BIRC6: variants seen among roughly 807,000 people sequenced by gnomAD.
BIRC6 encodes dual E2 ubiquitin-conjugating enzyme/E3 ubiquitin-protein ligase BIRC6.
A neutral mutation model predicts 503.3 loss-of-function variants in BIRC6; 98 were observed. The observed-to-expected ratio is 0.19, with a 90% CI of 0.17 to 0.23. The LOEUF is 0.23. Ranked by LOEUF, BIRC6 falls within the 10% of genes least tolerant of loss-of-function variation. The pLI is 1.00. For synonymous variants in BIRC6, 2,240 were observed against 2,078.7 expected (o/e 1.08, Z -2.11); for missense variants, 5,360 against 5,806.0 (o/e 0.92, Z 2.50).
chr2:32,438,284 A>T (rs2044968665), intron 15 of BIRC6, among the ~76,000 whole-genome samples: 1 of 152,224 alleles, frequency 6.6e-6, no homozygotes, highest in African/African-American at 2.4e-5. Flanking sequence ...ATTTTGAAAC[A>T]GAATGTCAGA....
intron 10 of BIRC6, among the ~76,000 whole-genome samples, chr2:32,421,789 G>A (rs2042977682): frequency 6.6e-6 from 1 of 152,184 alleles, no homozygotes; most frequent in African/African-American, 2.4e-5. Flanking sequence ...GTGTGCACTT[G>A]AAAAGAATTT....
intron 70 of BIRC6, among the ~76,000 whole-genome samples, chr2:32,601,669 A>G (rs1281780895): frequency 2.0e-5 from 3 of 152,236 alleles, no homozygotes; most frequent in South Asian, 2.1e-4. Context: ...TCTGATGAGT[A>G]TATTTTATGT....
intron 15 of BIRC6, among the ~76,000 whole-genome samples, chr2:32,438,776 G>T (rs1310681759): frequency 3.3e-5 from 5 of 151,922 alleles, no homozygotes; most frequent in Non-Finnish European, 7.4e-5. Context: ...TAGCCAGGAT[G>T]GTCTCGATCT....
intron 23 of BIRC6, among the ~76,000 whole-genome samples, chr2:32,457,300 T>A (rs544634974): frequency 1.3e-5 from 2 of 152,346 alleles, no homozygotes; most frequent in Non-Finnish European, 2.9e-5. Flanking sequence ...TTTAATTCAG[T>A]TACATTTAAT....
At chr2:32,543,934 CAT>C (rs2057863780) in intron 62 of BIRC6, among the ~76,000 whole-genome samples, 1 of 152,268 alleles carries the variant, frequency 6.6e-6, no homozygotes, top group East Asian at 1.9e-4. Flanking sequence ...GAGAAACACA[CAT>C]GTGAGATTAT....
At chr2:32,369,974 ATATATATATATG>A (rs1386595244) in intron 1 of BIRC6, among the ~76,000 whole-genome samples, 1,237 of 62,606 alleles carry the variant, frequency 0.02, 58 homozygotes, top group African/African-American at 0.033. Context: ...ATATATATAT[ATATATATATATG>A]TATGTATGTA....
rs1238053570 is a variant in BIRC6, at chr2:32,482,558, A to G, written c.7672A>G (p.Thr2558Ala). 2 of 1,613,804 alleles carry G rather than the reference A, an allele frequency of 1.2e-6. No homozygotes were observed. The highest frequency in any genetic ancestry group is 2.7e-5 in the African/African-American group (2 of 74,932). ...PANTEKNGSQ[T>A]VSVSVSQALD... is the part of the protein sequence containing the mutation. ...AAACACGGAGAAGAACGGATCACAG[A>G]CAGTTAGCGTTTCAGTCTCTCAGGG... The change falls in exon 39 of 74, where the codon ACA becomes GCA. Residue 2558 changes from threonine (T) to alanine (A), a missense_variant. Physicochemically the swap from Thr to Ala is moderately conservative, Grantham distance 58 (BLOSUM62 0). Transcript: ENST00000421745.
chr2:32,573,285 C>A (rs1474967712), intron 65 of BIRC6, among the ~76,000 whole-genome samples: 1 of 152,130 alleles, frequency 6.6e-6, no homozygotes, highest in Non-Finnish European at 1.5e-5. Context: ...GCAGCCTCCG[C>A]CTCTTGAGTT....
rs1240720772 is a variant in BIRC6 at position 32,594,020 on chromosome 2, A to G, written c.13461A>G (p.Ile4487Met). The G allele has an allele frequency of 3.1e-6, 5 of 1,613,282 alleles. No individual in the cohort carries two copies. The South Asian group carries it at 5.5e-5, about 18-fold the overall frequency. ...LVPDIQKTAE[I>M]VYAATTSLRQ... The stretch of plus-strand genomic sequence containing the variant: ...CAGACATCCAAAAGACTGCTGAGAT[A>G]GTTTATGCAGCCACCACCAGTTTGC... Residue 4487 changes from isoleucine to methionine, a missense_variant, in exon 67 of 74, where the codon ATA becomes ATG. Transcript: ENST00000421745.
intron 1 of BIRC6, among the ~76,000 whole-genome samples, chr2:32,362,805 A>T (rs1038326797): frequency 1.2e-4 from 18 of 151,228 alleles, no homozygotes; most frequent in East Asian, 3.9e-4. Flanking sequence ...TTTTTTTTTT[A>T]AATTCATCCC....
At chr2:32,484,271 T>A (rs1210951699) in intron 39 of BIRC6, among the ~76,000 whole-genome samples, 1 of 16,320 alleles carries the variant, frequency 6.1e-5, no homozygotes, top group Non-Finnish European at 1.1e-4. Context: ...AAAAAATTAC[T>A]GGCCAGGTGC....
intron 18 of BIRC6, 41 bp from the exon 19 acceptor site, chr2:32,442,283 A>G (rs1213697527): frequency 1.2e-6 from 2 of 1,607,030 alleles, no homozygotes; most frequent in South Asian, 1.1e-5. Flanking sequence ...GTTATGATTG[A>G]AAGTTCAGGA....
intron 39 of BIRC6, among the ~76,000 whole-genome samples, chr2:32,482,969 G>A (rs2050577513): frequency 6.6e-6 from 1 of 151,504 alleles, no homozygotes; most frequent in African/African-American, 2.4e-5. Context: ...CCAGGCTGGG[G>A]TGCAGTGATG....
chr2:32,528,386 G>T, intron 59 of BIRC6: 1 of 152,360 alleles, frequency 6.6e-6, no homozygotes, highest in Non-Finnish European at 1.5e-5. Flanking sequence ...ACCACGCCTG[G>T]CTAATTTTTG....
intron 10 of BIRC6, among the ~76,000 whole-genome samples, chr2:32,421,911 T>A (rs2042990558): frequency 6.6e-6 from 1 of 152,216 alleles, no homozygotes; most frequent in Non-Finnish European, 1.5e-5. Context: ...CTATCAATTT[T>A]GAGAGCAAGT....
chr2:32,515,934 G>A (rs957448459), intron 55 of BIRC6, among the ~76,000 whole-genome samples, 164 bp downstream of exon 55: 2 of 152,146 alleles, frequency 1.3e-5, no homozygotes, highest in African/African-American at 4.8e-5. Context: ...AAAATATGCT[G>A]TCACTGGAAT....
Position 32,595,063 on chromosome 2 carries a change from G to A in BIRC6, c.13531G>A (p.Ala4511Thr), listed in dbSNP as rs757493516. ...AAAACTGGGTGAATACTCCAAGAAG[G>A]CGGCTATGAAACCCAAACCTTTGTC... ...EKKLGEYSKKAAMKPKPLSVL... is the reference protein window; with the variant it reads ...EKKLGEYSKKTAMKPKPLSVL... Residue 4511 changes from alanine to threonine, a missense_variant, in exon 68 of 74, where the codon GCG (alanine) becomes ACG (threonine). Transcript: ENST00000421745. The A allele has an allele frequency of 6.2e-7, 1 of 1,601,346 alleles. No individual in the cohort carries two copies.
chr2:32,393,248 A>T (rs2149588262), intron 5 of BIRC6, among the ~76,000 whole-genome samples: 1 of 152,280 alleles, frequency 6.6e-6, no homozygotes, highest in South Asian at 2.1e-4. Context: ...CAAGAAAAAC[A>T]GTCATAGTTT....
In BIRC6 at chr2:32,468,432, T is replaced by C; in HGVS notation, c.5781-5T>C. 6.4e-7 allele frequency: 1 copy of C among 1,550,910 alleles called. No homozygotes were observed. The highest frequency in any genetic ancestry group is 8.7e-7 in the Non-Finnish European group (1 of 1,149,840). On this transcript the variant is annotated splice_polypyrimidine_tract_variant and splice_region_variant and intron_variant, in intron 28 of 73. Transcript: ENST00000421745. ...ATTATTTTGTTCAATCTTTTTTTAC[T>C]TTAGGTATAACTTGGCTTGTCATCG... is the stretch of plus-strand genomic sequence containing the variant.
Sources: gnomAD v4.1 joint callset for allele counts (sites outside exome capture counted in the v4.1 genomes callset) on GRCh38, gnomAD v4.1.1 for gene constraint, MANE v1.5 for transcripts, NCBI Gene and HGNC (gene_info 2026-07-23, HGNC 2026-07-21) for gene names.